Variants in AQP5 observed in about 807,000 individuals in gnomAD.
The protein encoded by AQP5 is aquaporin 5, also known as aquaporin-5.
AQP5 carries 15 observed loss-of-function variants against 19.1 expected under a neutral mutation model. The ratio of observed to expected loss-of-function variants is 0.79; its 90% CI spans 0.53 to 1.21. The LOEUF is 1.21. Ranked by LOEUF, AQP5 falls within the 50% of genes most tolerant of loss-of-function variation. The pLI is 0.00. For synonymous variants in AQP5, 182 were observed against 160.3 expected (o/e 1.14, Z -1.02); for missense variants, 355 against 357.1 (o/e 0.99, Z 0.05).
rs1947478060 is a variant in AQP5 at position 49,965,309 on chromosome 12, G to A, written c.*132G>A. 2 of 1,153,624 alleles carry A rather than the reference G, an allele frequency of 1.7e-6. No homozygotes were observed. The highest frequency in any genetic ancestry group is 1.6e-5 in the South Asian group (1 of 60,868). 71.5% of individuals were successfully genotyped at this position (1,153,624 alleles called of 1,614,324 possible). On this transcript the variant is annotated 3_prime_UTR_variant, in exon 4 of 4. Transcript: ENST00000293599. ...GGAGGAGGAGCTGGTCACCCTGGCT[G>A]CACAGTTAGAGAGGGGAGAAGGAAC...
At chr12:49,962,445 C>T (rs1248064028) in intron 1 of AQP5, 65 bp downstream of exon 1, 2 of 1,331,704 alleles carry the variant, frequency 1.5e-6, no homozygotes, top group African/African-American at 1.6e-5. Flanking sequence ...AGGCCTCTTA[C>T]CCCACCTGGA....
At chr12:49,963,463 C>G in intron 1 of AQP5, 29 bp from the exon 2 acceptor site, 1 of 1,608,524 alleles carries the variant, frequency 6.2e-7, no homozygotes, top group Non-Finnish European at 8.5e-7. Context: ...AGAAGGTGGC[C>G]GGGGTCCTAA....
In AQP5 at chr12:49,962,463, G is replaced by C. The variant is rs1020552105; in HGVS notation, c.363+83G>C. On this transcript the variant is annotated intron_variant, in intron 1 of 3. Transcript: ENST00000293599. ...CCTCTTACCCCACCTGGAAAAAAGG[G>C]GTGCCGCAGAGTGGGCCAGCCCACA... 12 of 1,069,842 alleles carry C rather than the reference G, an allele frequency of 1.1e-5. No homozygotes were observed. The South Asian group carries it at 1.6e-4, about 14-fold the overall frequency. The allele number at this position is 1,069,842 out of a possible 1,614,324, so 66.3% of individuals were successfully genotyped here. A position where few individuals can be genotyped will look rare whatever the true frequency, so the allele number is the denominator to read the frequency against.
intron 1 of AQP5, chr12:49,962,762 C>G (rs1466307092): frequency 2.0e-5 from 4 of 201,640 alleles, no homozygotes; most frequent in Admixed American, 5.5e-5. Context: ...GCTGTCATCA[C>G]GGCTTTGGGT....
intron 3 of AQP5, chr12:49,964,515 T>G: frequency 1.4e-5 from 6 of 439,598 alleles, no homozygotes; most frequent in South Asian, 9.6e-5. Context: ...TCCTCTCTGA[T>G]GTTTTATTTA....
chr12:49,962,566 A>T, intron 1 of AQP5, 186 bp downstream of exon 1: 3 of 685,522 alleles, frequency 4.4e-6, no homozygotes, highest in South Asian at 5.6e-5. Flanking sequence ...CTTCCTGCCC[A>T]CCTCCTCTCC....
At position 49,962,343 on chromosome 12, in the gene AQP5, C is replaced by T; in HGVS notation, c.326C>T (p.Ala109Val). The T allele has an allele frequency of 6.2e-7, 1 of 1,604,344 alleles. No homozygotes were observed. The highest frequency in any genetic ancestry group is 1.1e-5 in the South Asian group (1 of 90,806). Residue 109 changes from alanine to valine, a missense_variant, in exon 1 of 4, where the codon GCA becomes GTA. Coordinates refer to ENST00000293599, the MANE Select transcript of AQP5 (RefSeq NM_001651.4). ...IAGAGILYGVAPLNARGNLAV... is the reference protein window; with the variant it reads ...IAGAGILYGVVPLNARGNLAV... ...GGGGCTGGCATCCTCTACGGTGTGG[C>T]ACCGCTCAATGCCCGGGGCAATCTG... is the stretch of plus-strand genomic sequence containing the variant.
rs1947426033 is a variant in AQP5, at chr12:49,961,897, G to C, written c.-121G>C. 1 of 471,366 alleles carries C rather than the reference G, an allele frequency of 2.1e-6. No homozygotes were observed. The allele number at this position is 471,366 out of a possible 1,614,324, so 29.2% of individuals were successfully genotyped here. ...AGGCCGCCAGCCTCGGAGTGGGCGCGGGACAGTGCGCGGCGCCCCGCAGCC... is the reference window on the plus strand; with the variant it reads ...AGGCCGCCAGCCTCGGAGTGGGCGCCGGACAGTGCGCGGCGCCCCGCAGCC... On this transcript the variant is annotated 5_prime_UTR_variant, in exon 1 of 4. Transcript: ENST00000293599.
rs1565641956 is a variant in AQP5, at chr12:49,965,324, G to A, written c.*147G>A. 3.9e-6 allele frequency: 4 copies of A among 1,023,744 alleles called. No individual in the cohort carries two copies. The African/African-American group carries it at 6.5e-5, about 17-fold the overall frequency. The allele number at this position is 1,023,744 out of a possible 1,614,324, so 63.4% of individuals were successfully genotyped here. ...CACCCTGGCTGCACAGTTAGAGAGG[G>A]GAGAAGGAACCCATGATGGGACTCC... On this transcript the variant is annotated 3_prime_UTR_variant, in exon 4 of 4. Coordinates refer to ENST00000293599, the MANE Select transcript of AQP5 (RefSeq NM_001651.4).
rs767311586 is a variant in AQP5 at position 49,965,125 on chromosome 12, G to A, written c.746G>A (p.Trp249Ter). Reference sequence around the variant, plus strand: ...GGCACGTATGAGCCTGACGAGGACTGGGAGGAGCAGCGGGAAGAGCGGAAG... The same window carrying A: ...GGCACGTATGAGCCTGACGAGGACTAGGAGGAGCAGCGGGAAGAGCGGAAG... ...IKGTYEPDED[W>*]EEQREERKKT... The change falls in exon 4 of 4, where the codon TGG becomes TAG. Residue 249 changes from tryptophan (W) to a stop codon, truncating the protein, a stop_gained. Transcript: ENST00000293599. LOFTEE classifies it high-confidence loss of function. 5.0e-6 allele frequency: 8 copies of A among 1,613,828 alleles called. No individual in the cohort carries two copies. The highest frequency in any genetic ancestry group is 6.8e-6 in the Non-Finnish European group (8 of 1,179,956).
chr12:49,962,172 C>T lies in AQP5; in HGVS notation c.155C>T (p.Ala52Val). The T allele has an allele frequency of 6.2e-7, 1 of 1,611,416 alleles. No homozygotes were observed. The highest frequency in any genetic ancestry group is 8.5e-7 in the Non-Finnish European group (1 of 1,179,806). The stretch of plus-strand genomic sequence containing the variant: ...CAGATCGCGCTGGCGTTTGGCCTGG[C>T]CATAGGCACGCTGGCCCAGGCCCTG... ...ILQIALAFGL[A>V]IGTLAQALGP... Residue 52 changes from alanine to valine, a missense_variant, in exon 1 of 4, where the codon GCC becomes GTC. Ala to Val is a moderately conservative substitution (Grantham distance 64, BLOSUM62 0). Transcript: ENST00000293599.
At chr12:49,962,489 C>G (rs1262805668) in intron 1 of AQP5, 109 bp downstream of exon 1, 31 of 1,434,368 alleles carry the variant, frequency 2.2e-5, no homozygotes, top group Non-Finnish European at 2.6e-5. Flanking sequence ...CCAGCCCACA[C>G]CCTTCACCAG....
intron 3 of AQP5, 102 bp from the exon 4 acceptor site, chr12:49,964,890 G>A: frequency 6.7e-7 from 1 of 1,502,018 alleles, no homozygotes; most frequent in Non-Finnish European, 8.8e-7. Context: ...CTGCATGTCT[G>A]TCTCCTCTCA....
rs762099173 is a variant in AQP5 at position 49,964,143 on chromosome 12, G to T, written c.580G>T (p.Val194Leu). 6.2e-7 allele frequency: 1 copy of T among 1,614,166 alleles called. No individual in the cohort carries two copies. Among genetic ancestry groups the T allele is most frequent in the Non-Finnish European group, 8.5e-7 (1 of 1,180,024 alleles). ...MNPARSFGPA[V>L]VMNRFSPAHW... is the part of the protein sequence containing the mutation. The stretch of plus-strand genomic sequence containing the variant: ...CCCAGCCCGCTCTTTTGGCCCTGCG[G>T]TGGTCATGAATCGGTTCAGCCCCGC... Residue 194 changes from valine (V) to leucine (L), a missense_variant, in exon 3 of 4, where the codon GTG (valine) becomes TTG (leucine). Transcript: ENST00000293599.
intron 3 of AQP5, 28 bp from the exon 4 acceptor site, chr12:49,964,964 G>T (rs375972552): frequency 6.2e-7 from 1 of 1,600,602 alleles, no homozygotes; most frequent in Admixed American, 1.7e-5. Flanking sequence ...GGGGCTCAGC[G>T]CCCTGACTCC....
At position 49,962,201 on chromosome 12, in the gene AQP5, C is replaced by G. The variant is rs771368210; in HGVS notation, c.184C>G (p.Pro62Ala). The G allele has an allele frequency of 1.2e-6, 2 of 1,608,094 alleles. No homozygotes were observed. The highest frequency in any genetic ancestry group is 1.1e-5 in the South Asian group (1 of 91,050). Residue 62 changes from proline to alanine, a missense_variant, in exon 1 of 4, where the codon CCC becomes GCC. Physicochemically the swap from Pro to Ala is conservative, Grantham distance 27. Transcript: ENST00000293599. ...AIGTLAQALG[P>A]VSGGHINPAI... is the part of the protein sequence containing the mutation. ...AGGCACGCTGGCCCAGGCCCTGGGACCCGTGAGCGGCGGCCACATCAACCC... is the reference window on the plus strand; with the variant it reads ...AGGCACGCTGGCCCAGGCCCTGGGAGCCGTGAGCGGCGGCCACATCAACCC...
chr12:49,963,657 G>A lies in AQP5; in HGVS notation c.528+1G>A. ...TGTCACCCTGGGCCACCTTGTCGGA[G>A]TGAGCAGTACCGACATTGGGCTGGG... On this transcript the variant is annotated splice_donor_variant, in intron 2 of 3. Coordinates refer to ENST00000293599, the MANE Select transcript of AQP5 (RefSeq NM_001651.4). LOFTEE classifies it high-confidence loss of function. 1 of 1,613,158 alleles carries A rather than the reference G, an allele frequency of 6.2e-7. No individual in the cohort carries two copies. Among genetic ancestry groups the A allele is most frequent in the Non-Finnish European group, 8.5e-7 (1 of 1,179,848 alleles).
At chr12:49,963,395 G>T in intron 1 of AQP5, 97 bp from the exon 2 acceptor site, 1 of 1,514,944 alleles carries the variant, frequency 6.6e-7, no homozygotes, top group South Asian at 1.2e-5. Flanking sequence ...GTGCCAAGGT[G>T]CTCTAAGTGT....
chr12:49,963,638 C>T lies in AQP5; in HGVS notation c.510C>T (p.Thr170=), dbSNP rs1947454629. The part of the protein sequence containing the change: ...SPALSIGLSV[T]LGHLVGIYFT... Reference sequence around the variant, plus strand: ...CCCTGTCCATTGGCCTGTCTGTCACCCTGGGCCACCTTGTCGGAGTGAGCA... The same window carrying T: ...CCCTGTCCATTGGCCTGTCTGTCACTCTGGGCCACCTTGTCGGAGTGAGCA... Residue 170 remains threonine, a synonymous_variant, in exon 2 of 4, where the codon ACC becomes ACT. Transcript: ENST00000293599. The T allele has an allele frequency of 6.2e-7, 1 of 1,613,596 alleles. No homozygotes were observed. The highest frequency in any genetic ancestry group is 8.5e-7 in the Non-Finnish European group (1 of 1,179,988).
Sources: gnomAD v4.1 joint callset for allele counts on GRCh38, gnomAD v4.1.1 for gene constraint, MANE v1.5 for transcripts, NCBI Gene and HGNC (gene_info 2026-07-23, HGNC 2026-07-21) for gene names.